The following CLDN14 variants were observed in gnomAD, a reference collection of about 807,000 sequenced individuals.
CLDN14 encodes the protein claudin 14, also known as claudin-14.
Under a neutral mutation model 2.1 loss-of-function variants are expected in CLDN14, and 2 were observed. The ratio of observed to expected loss-of-function variants is 0.96; its 90% confidence interval spans 0.39 to 3.01. CLDN14 has a LOEUF of 3.01. CLDN14 is among the 30% of genes most tolerant of loss of function. CLDN14 has a pLI of 0.09. For missense variants in CLDN14, 298 were observed against 328.0 expected (o/e 0.91, Z 0.71); for synonymous variants, 136 against 154.4 (o/e 0.88, Z 0.88).
At chr21:36,564,742 A>T (rs2087660669) in intron 1 of CLDN14, among the ~76,000 whole-genome samples, 1 of 152,236 alleles carries the variant, frequency 6.6e-6, no homozygotes, top group South Asian at 2.1e-4. Context: ...TAACCAGGTG[A>T]CTTCAGAATA....
chr21:36,573,739 A>C (rs1026539976), intron 1 of CLDN14, among the ~76,000 whole-genome samples: 2 of 152,216 alleles, frequency 1.3e-5, no homozygotes, highest in Non-Finnish European at 2.9e-5. Flanking sequence ...CAAAGTCACT[A>C]TACAAAACTC....
intron 1 of CLDN14, among the ~76,000 whole-genome samples, chr21:36,564,461 T>C (rs919116927): frequency 2.3e-4 from 35 of 152,292 alleles, no homozygotes; most frequent in African/African-American, 7.2e-4. Flanking sequence ...CCATTTCCAG[T>C]ATCTAGAACA....
intron 2 of CLDN14, among the ~76,000 whole-genome samples, chr21:36,490,961 C>G (rs912255381): frequency 2.0e-4 from 28 of 138,434 alleles, no homozygotes; most frequent in African/African-American, 6.7e-4. Flanking sequence ...CACACACACA[C>G]ACACACACAC....
chr21:36,554,126 C>A (rs2087581948), intron 1 of CLDN14, among the ~76,000 whole-genome samples: 1 of 152,156 alleles, frequency 6.6e-6, no homozygotes, highest in Admixed American at 6.5e-5. Flanking sequence ...CCTTTACTGA[C>A]AAACTGGATG....
chr21:36,571,066 T>G (rs2087706809), intron 1 of CLDN14, among the ~76,000 whole-genome samples: 1 of 152,212 alleles, frequency 6.6e-6, no homozygotes, highest in African/African-American at 2.4e-5. Flanking sequence ...GGTCTCGAAC[T>G]CCTGACCTCA....
At chr21:36,559,327 G>T (rs1448190552) in intron 1 of CLDN14, among the ~76,000 whole-genome samples, 1 of 152,300 alleles carries the variant, frequency 6.6e-6, no homozygotes, top group Non-Finnish European at 1.5e-5. Flanking sequence ...CTCCCAGGTA[G>T]CTGGGATTAT....
Position 36,460,939 on chromosome 21 carries a change from C to A in CLDN14, c.*37G>T, listed in dbSNP as rs2086558088. The A allele has an allele frequency of 3.1e-6, 5 of 1,603,412 alleles. No homozygotes were observed. Among genetic ancestry groups the A allele is most frequent in the Non-Finnish European group, 4.3e-6 (5 of 1,175,126 alleles). On this transcript the variant is annotated 3_prime_UTR_variant, in exon 2 of 2. Transcript: ENST00000399135. The surrounding 1 kb of genome is among the most constrained non-coding windows in gnomAD (Gnocchi z 4.0). ...ATTGACAGTCCCGCCGGGGACCCAG[C>A]CCACAGCAGCCCAGGGGAGAAGCAG...
intron 2 of CLDN14, chr21:36,486,205 T>G: frequency 2.1e-6 from 2 of 972,280 alleles, no homozygotes; most frequent in Non-Finnish European, 3.4e-6. Flanking sequence ...TGTCTACTGA[T>G]TCCGCCTGGC....
rs2087516424 is a variant in CLDN14, at chr21:36,544,830, C to T, written c.-220+31581G>A. ...TGTGCACAGAGCAACCATGTGAAAACAATTAGGACGACAAATTTACTAATT... is the reference window on the plus strand; with the variant it reads ...TGTGCACAGAGCAACCATGTGAAAATAATTAGGACGACAAATTTACTAATT... On this transcript the variant is annotated intron_variant, in intron 1 of 2. Transcript: ENST00000342108. This position sits in a 1 kb window ranked among gnomAD's most constrained non-coding sequence, Gnocchi z 4.1. Among the ~76,000 whole-genome samples the T allele has an allele frequency of 6.6e-6, 1 of 152,208 alleles. No homozygotes were observed. The highest frequency in any genetic ancestry group is 2.4e-5 in the African/African-American group (1 of 41,442).
intron 2 of CLDN14, among the ~76,000 whole-genome samples, chr21:36,506,578 A>G (rs1308747108): frequency 1.3e-5 from 2 of 150,484 alleles, no homozygotes; most frequent in Non-Finnish European, 3.0e-5. Flanking sequence ...GCCTGGGTGA[A>G]AGACCAAGAC....
chr21:36,486,406 C>G, intron 2 of CLDN14: 1 of 1,193,904 alleles, frequency 8.4e-7, no homozygotes, highest in Non-Finnish European at 1.2e-6. Context: ...CTGGGCTCCT[C>G]ATCCTGCCGC....
intron 1 of CLDN14, among the ~76,000 whole-genome samples, chr21:36,463,242 A>G (rs941686840): frequency 3.3e-5 from 5 of 152,178 alleles, no homozygotes; most frequent in African/African-American, 9.7e-5. Context: ...CTGAAGGGAG[A>G]AAAGGGAAGC....
intron 1 of CLDN14, among the ~76,000 whole-genome samples, chr21:36,569,882 T>C (rs2087696894): frequency 6.6e-6 from 1 of 152,222 alleles, no homozygotes; most frequent in South Asian, 2.1e-4. Flanking sequence ...CTGAATTTAA[T>C]CTGTGAACGC....
intron 1 of CLDN14, among the ~76,000 whole-genome samples, chr21:36,533,372 C>T (rs778807466): frequency 6.6e-6 from 1 of 152,238 alleles, no homozygotes; most frequent in Non-Finnish European, 1.5e-5. Context: ...AACCACTAAA[C>T]TCCATCTGTT....
rs58458004 is a variant in CLDN14, at chr21:36,501,332, CTTTTTTTTTTTTT to C, written c.-82+9018_-82+9030del. Among the ~76,000 whole-genome samples the C allele has an allele frequency of 1.9e-3, 92 of 48,442 alleles. 3 individuals are homozygous for C. In the South Asian group the frequency reaches 0.035, roughly 18 times the overall value. 31.8% of individuals were successfully genotyped at this position (48,442 alleles called of 152,430 possible). On this transcript the variant is annotated intron_variant, in intron 2 of 2. Transcript: ENST00000342108. The stretch of plus-strand genomic sequence containing the variant: ...AATGGGAGTTTCAGTCAATATCTCA[CTTTTTTTTTTTTT>C]TTTTTTTTTTTTTTTTTTTTTTTAG...
intron 1 of CLDN14, among the ~76,000 whole-genome samples, chr21:36,528,259 G>A (rs970081639): frequency 6.6e-6 from 1 of 152,164 alleles, no homozygotes; most frequent in Non-Finnish European, 1.5e-5. Flanking sequence ...ACATGTGCCA[G>A]GCAGTGTGGT....
In CLDN14 at chr21:36,499,982, C is replaced by A. The variant is rs759602141; in HGVS notation, c.-82+10381G>T. On this transcript the variant is annotated intron_variant, in intron 2 of 2. Transcript: ENST00000342108. The surrounding 1 kb of genome is among the most constrained non-coding windows in gnomAD (Gnocchi z 4.7). ...CACAGAGTCTACCTGTCTTCCAATG[C>A]GAGTCCCGCGAGGTGAAGAATTAGA... Among the ~76,000 whole-genome samples the A allele has an allele frequency of 6.6e-6, 1 of 151,750 alleles. No individual in the cohort carries two copies. Among genetic ancestry groups the A allele is most frequent in the African/African-American group, 2.4e-5 (1 of 41,208 alleles).
At chr21:36,572,454 C>T (rs542352415) in intron 1 of CLDN14, among the ~76,000 whole-genome samples, 3 of 152,292 alleles carry the variant, frequency 2.0e-5, no homozygotes, top group East Asian at 1.9e-4. Flanking sequence ...CCCAGGTCTG[C>T]ATGCTGGCCC....
rs911641375 is a variant in CLDN14, at chr21:36,479,793, C to T, written c.-380G>A. ...GACATTCAAGACCAACCAGAAATGT[C>T]ATTTCTGCACTGTGGAAAAAAAATG... On this transcript the variant is annotated 5_prime_UTR_variant, in exon 1 of 2. An upstream start codon of the reference 5' UTR is lost. Coordinates refer to ENST00000399135, the MANE Select transcript of CLDN14 (RefSeq NM_001146079.2). The T allele has an allele frequency of 1.3e-5, 2 of 152,232 alleles. No individual in the cohort carries two copies. Among genetic ancestry groups the T allele is most frequent in the Non-Finnish European group, 2.9e-5 (2 of 68,056 alleles). The allele number at this position is 152,232 out of a possible 1,614,324, so 9.4% of individuals were successfully genotyped here.
Sources: allele counts gnomAD v4.1 joint callset (sites outside exome capture counted in the v4.1 genomes callset), GRCh38; gene constraint gnomAD v4.1.1; non-coding constraint Gnocchi (gnomAD v3.1); transcripts MANE v1.5; gene names NCBI Gene and HGNC (gene_info 2026-07-23, HGNC 2026-07-21).